TENM1: variants seen among roughly 807,000 people sequenced by gnomAD.
The protein encoded by TENM1 is teneurin transmembrane protein 1.
A neutral mutation model predicts 174.8 loss-of-function variants in TENM1; 35 were observed. The observed-to-expected ratio is 0.20, with a 90% CI of 0.15 to 0.27. The LOEUF (loss-of-function observed/expected upper bound fraction) is 0.27, where lower values mean the gene tolerates loss of function less well. Among genes scored for constraint, TENM1 ranks in the 10% least tolerant of loss-of-function variants. The pLI is 1.00. For missense variants in TENM1, 1,633 were observed against 2,130.1 expected (o/e 0.77, Z 4.59); for synonymous variants, 781 against 798.7 (o/e 0.98, Z 0.37).
chrX:125,146,298 T>C, the TENM1 span, among the ~76,000 whole-genome samples: 8 of 110,683 alleles, frequency 7.2e-5, no homozygotes, highest in Non-Finnish European at 1.5e-4. Flanking sequence ...GGGTGGAAAA[T>C]AGACTCTGGG....
chrX:124,448,051 T>C lies in TENM1; in HGVS notation c.4104+5286A>G, dbSNP rs182014005. 7.2e-5 allele frequency among the ~76,000 whole-genome samples: 8 copies of C among 111,766 alleles called. No individual in the cohort carries two copies. The East Asian group carries it at 2.3e-3, about 32-fold the overall frequency. On this transcript the variant is annotated intron_variant, in intron 23 of 31. Transcript: ENST00000422452. Reference sequence around the variant, plus strand: ...TCAAGCAAACCTGCTTCTCTTCCTCTTGTATTCCCTGTACCAGTGAATGGT... The same window carrying C: ...TCAAGCAAACCTGCTTCTCTTCCTCCTGTATTCCCTGTACCAGTGAATGGT...
chrX:124,994,358 C>T, the TENM1 span, among the ~76,000 whole-genome samples: 13 of 107,480 alleles, frequency 1.2e-4, no homozygotes, highest in Non-Finnish European at 1.7e-4. Flanking sequence ...TAGTTTCAGT[C>T]CACAAAACTA....
intron 3 of TENM1, among the ~76,000 whole-genome samples, chrX:124,850,219 C>T (rs1385248234): frequency 8.9e-6 from 1 of 111,849 alleles, no homozygotes; most frequent in African/African-American, 3.2e-5. Context: ...TACCTCTTTT[C>T]CCCCAAATCT....
chrX:124,637,558 T>C (rs1433058271), intron 11 of TENM1, among the ~76,000 whole-genome samples: 1 of 111,582 alleles, frequency 9.0e-6, no homozygotes, highest in Non-Finnish European at 1.9e-5. Context: ...TTTGCTAAAA[T>C]GCAAGCATGG....
At chrX:124,968,947 T>A in the TENM1 span, among the ~76,000 whole-genome samples, 1 of 112,091 alleles carries the variant, frequency 8.9e-6, no homozygotes, top group Non-Finnish European at 1.9e-5. Flanking sequence ...GTTGAAAGCA[T>A]AATAATTCTG....
intron 3 of TENM1, among the ~76,000 whole-genome samples, chrX:124,794,445 C>T (rs1416486792): frequency 1.8e-5 from 2 of 111,732 alleles, no homozygotes; most frequent in East Asian, 5.7e-4. Context: ...TAGAATCATA[C>T]CGATTTCTCC....
At chrX:124,675,315 T>C (rs2052040615) in intron 5 of TENM1, among the ~76,000 whole-genome samples, 1 of 111,265 alleles carries the variant, frequency 9.0e-6, no homozygotes. Context: ...CTATCAGATA[T>C]AAACAACTAA....
intron 23 of TENM1, among the ~76,000 whole-genome samples, chrX:124,429,140 A>G (rs2060750255): frequency 8.9e-6 from 1 of 111,755 alleles, no homozygotes; most frequent in Admixed American, 9.5e-5. Context: ...ATGCCATCTG[A>G]TTCGTCATTC....
chrX:124,832,096 G>T (rs986328560), intron 3 of TENM1, among the ~76,000 whole-genome samples: 2 of 111,539 alleles, frequency 1.8e-5, no homozygotes, highest in Non-Finnish European at 3.8e-5. Flanking sequence ...TACAAGAAGT[G>T]GGGGAGGCCT....
At chrX:125,189,144 T>C in the TENM1 span, among the ~76,000 whole-genome samples, 1 of 112,112 alleles carries the variant, frequency 8.9e-6, no homozygotes, top group Non-Finnish European at 1.9e-5. Flanking sequence ...CACTTCTCCA[T>C]TGTTTTCAAG....
chrX:124,969,810 C>G, the TENM1 span, among the ~76,000 whole-genome samples: 1 of 111,869 alleles, frequency 8.9e-6, no homozygotes, highest in Non-Finnish European at 1.9e-5. Context: ...AAATCACCTC[C>G]CCTTTCTCAG....
chrX:124,676,305 TATATATATAC>T, intron 5 of TENM1, among the ~76,000 whole-genome samples: 2 of 50,891 alleles, frequency 3.9e-5, no homozygotes, highest in Non-Finnish European at 7.0e-5. Context: ...TATATATATA[TATATATATAC>T]TCAATGAATG....
intron 11 of TENM1, among the ~76,000 whole-genome samples, chrX:124,604,010 T>C (rs1421566276): frequency 8.9e-6 from 1 of 111,914 alleles, no homozygotes; most frequent in Non-Finnish European, 1.9e-5. Context: ...TTGTTTCTTT[T>C]GATCACAATA....
rs753142136 is a variant in TENM1 at position 124,757,116 on chromosome X, C to G, written c.536-19919G>C. On this transcript the variant is annotated intron_variant, in intron 3 of 31. Coordinates refer to ENST00000422452, the Ensembl canonical transcript of TENM1. Reference sequence around the variant, plus strand: ...CAGAGGTGGAGCCTACAGAGGCAGGCAGGCCTCCTTGAGCTGTGGTTGGCT... The same window carrying G: ...CAGAGGTGGAGCCTACAGAGGCAGGGAGGCCTCCTTGAGCTGTGGTTGGCT... 4.4e-5 allele frequency among the ~76,000 whole-genome samples: 5 copies of G among 112,756 alleles called. No homozygotes were observed. The Admixed American group carries it at 4.6e-4, about 10-fold the overall frequency.
the TENM1 span, among the ~76,000 whole-genome samples, chrX:125,016,300 A>G: frequency 9.0e-6 from 1 of 111,365 alleles, no homozygotes; most frequent in African/African-American, 3.3e-5. Context: ...ACATGATGGT[A>G]TATTTAGAAA....
chrX:124,585,149 T>C (rs1417038300), intron 11 of TENM1, among the ~76,000 whole-genome samples: 1 of 110,774 alleles, frequency 9.0e-6, no homozygotes, highest in Non-Finnish European at 1.9e-5. Context: ...TTAACAAGCA[T>C]ACCCAGGAAT....
exon 9 of TENM1, chrX:124,646,710 T>C: frequency 8.5e-7 from 1 of 1,179,940 alleles, no homozygotes; most frequent in Non-Finnish European, 1.2e-6. Context: ...CAACATTACC[T>C]CTAGCACAGT....
the TENM1 span, among the ~76,000 whole-genome samples, chrX:125,163,991 G>C: frequency 8.9e-6 from 1 of 111,785 alleles, no homozygotes; most frequent in Non-Finnish European, 1.9e-5. Flanking sequence ...CTACAAGCTT[G>C]TTTGCCTATA....
chrX:124,720,813 C>T (rs1386718614), intron 4 of TENM1, among the ~76,000 whole-genome samples: 2 of 112,295 alleles, frequency 1.8e-5, no homozygotes, highest in Admixed American at 9.4e-5. Flanking sequence ...TACCCTTTGA[C>T]AGAAAGGGAA....
Sources: gnomAD v4.1 joint callset for allele counts (sites outside exome capture counted in the v4.1 genomes callset) on GRCh38, gnomAD v4.1.1 for gene constraint, MANE v1.5 for transcripts, NCBI Gene and HGNC (gene_info 2026-07-23, HGNC 2026-07-21) for gene names.